NHSL1: variants seen among roughly 807,000 people sequenced by gnomAD.
NHSL1 encodes the protein NHS like 1, also known as NHS-like protein 1.
NHSL1 carries 48 observed loss-of-function variants against 95.0 expected under a neutral mutation model. The ratio of observed to expected loss-of-function variants is 0.51; its 90% CI spans 0.40 to 0.64. NHSL1 has a LOEUF of 0.64. Ranked by LOEUF, NHSL1 falls within the 30% of genes least tolerant of loss-of-function variation. The pLI is 0.00. For synonymous variants in NHSL1, 783 were observed against 833.9 expected, an observed-to-expected ratio of 0.94 and a Z score of 1.05; for missense variants, 1,971 against 2,077.7, an observed-to-expected ratio of 0.95 and a Z score of 1.00.
At chr6:138,438,623 A>T (rs1776336069) in intron 5 of NHSL1, among the ~76,000 whole-genome samples, 1 of 152,222 alleles carries the variant, frequency 6.6e-6, no homozygotes, top group South Asian at 2.1e-4. Flanking sequence ...ATTTTAAGAC[A>T]TAATGTACAG....
Position 138,432,050 on chromosome 6 carries a change from C to T in NHSL1, c.2295G>A (p.Ser765=), listed in dbSNP as rs80292692. ...NVYSLCGATP[S]QSDTSSVKSE... is the part of the protein sequence containing the mutation. ...ACTTGACGCTGCTTGTGTCACTCTG[C>T]GATGGCGTGGCCCCGCACAGGGAGT... is the stretch of plus-strand genomic sequence containing the variant. Residue 765 remains serine, a synonymous_variant, in exon 6 of 8, where the codon TCG becomes TCA. Transcript: ENST00000343505. This position sits in a 1 kb window ranked among gnomAD's most constrained non-coding sequence, Gnocchi z 4.4. 4.9e-3 allele frequency: 7,588 copies of T among 1,551,692 alleles called. 206 individuals carry two copies. In the African/African-American group the frequency reaches 0.069, roughly 14 times the overall value.
intron 3 of NHSL1, among the ~76,000 whole-genome samples, chr6:138,469,757 C>T (rs33998694): frequency 0.056 from 8,490 of 152,026 alleles, 658 homozygotes; most frequent in East Asian, 0.3. Context: ...AAAACAACAA[C>T]AACAACAAAA....
rs144068144 is a variant in NHSL1, at chr6:138,506,762, C to G, written c.17-10391G>C. ...TAAAGATTTATTCTTCAACAGTTGA[C>G]ATTATTAAAGGAATTTTCAAAAATC... On this transcript the variant is annotated intron_variant, in intron 1 of 4. Coordinates refer to the NHSL1 transcript ENST00000342260. Among the ~76,000 whole-genome samples, 39 of 152,086 alleles carry G rather than the reference C, an allele frequency of 2.6e-4. 1 individual carries two copies. In the East Asian group the frequency reaches 7.5e-3, roughly 29 times the overall value.
chr6:138,650,665 C>A (rs1022802421), intron 1 of NHSL1: 1 of 560,830 alleles, frequency 1.8e-6, no homozygotes. Context: ...ACAAACTGGA[C>A]CATCCAGCAC....
chr6:138,432,576 G>C lies in NHSL1; in HGVS notation c.1769C>G (p.Thr590Arg), dbSNP rs774540847. The change falls in exon 6 of 8, where the codon ACG becomes AGG. Residue 590 changes from threonine (T) to arginine (R), a missense_variant. Physicochemically the swap from Thr to Arg is moderately conservative, Grantham distance 71 (BLOSUM62 -1). Transcript: ENST00000343505. This position sits in a 1 kb window ranked among gnomAD's most constrained non-coding sequence, Gnocchi z 4.4. ...CGACCCAGCATCCTCTTTGTTGGAC[G>C]TTTGGTCCAAACTGCAGCTGCTCAT... ...SNMSSCSLDQ[T>R]SNKEDAGSLY... The C allele has an allele frequency of 1.9e-5, 30 of 1,551,594 alleles. No homozygotes were observed. The highest frequency in any genetic ancestry group is 1.7e-4 in the Middle Eastern group (1 of 6,014).
At chr6:138,559,643 G>C (rs1456115603) in intron 1 of NHSL1, among the ~76,000 whole-genome samples, 2 of 152,070 alleles carry the variant, frequency 1.3e-5, no homozygotes, top group Non-Finnish European at 2.9e-5. Flanking sequence ...ATCATAGCTT[G>C]TAACTTCTAC....
chr6:138,692,506 C>A lies in NHSL1; in HGVS notation c.67G>T (p.Ala23Ser). ...TTCACTCGGCGGTGGTCCAGGCGCG[C>A]AGCGGCGGCTTGCAGGGCGTCGAGG... Residue 23 changes from alanine (A) to serine (S), a missense_variant, in exon 1 of 4, where the codon GCG (alanine) becomes TCG (serine). Coordinates refer to the NHSL1 transcript ENST00000491526. This position sits in a 1 kb window ranked among gnomAD's most constrained non-coding sequence, Gnocchi z 4.0. The A allele has an allele frequency of 5.0e-6, 1 of 198,100 alleles. No individual in the cohort carries two copies. Among genetic ancestry groups the A allele is most frequent in the Non-Finnish European group, 1.0e-5 (1 of 99,562 alleles). The allele number at this position is 198,100 out of a possible 1,614,324, so 12.3% of individuals were successfully genotyped here.
At chr6:138,626,049 T>C (rs1207373688) in intron 1 of NHSL1, among the ~76,000 whole-genome samples, 3 of 152,248 alleles carry the variant, frequency 2.0e-5, no homozygotes, top group Non-Finnish European at 4.4e-5. Flanking sequence ...GTTCCTGCAC[T>C]GAGGCATTAC....
intron 2 of NHSL1, among the ~76,000 whole-genome samples, chr6:138,490,537 G>A (rs1036052153): frequency 3.9e-5 from 6 of 152,160 alleles, no homozygotes; most frequent in East Asian, 3.8e-4. Flanking sequence ...GACAACTAAG[G>A]GTGGATGCAG....
intron 1 of NHSL1, among the ~76,000 whole-genome samples, chr6:138,522,762 G>A (rs775169935): frequency 2.0e-4 from 31 of 152,100 alleles, no homozygotes; most frequent in Non-Finnish European, 3.2e-4. Flanking sequence ...AGTGAGCCGT[G>A]ATTGTGCCAC....
chr6:138,505,974 G>A (rs1461636162), intron 1 of NHSL1, among the ~76,000 whole-genome samples: 2 of 152,076 alleles, frequency 1.3e-5, no homozygotes, highest in Admixed American at 1.3e-4. Flanking sequence ...TTTATGCATG[G>A]TTAAAATACT....
intron 2 of NHSL1, among the ~76,000 whole-genome samples, chr6:138,480,432 C>G (rs1779348730): frequency 6.6e-6 from 1 of 152,154 alleles, no homozygotes; most frequent in African/African-American, 2.4e-5. Flanking sequence ...GTGTTGTGTT[C>G]AAGGGTCAAC....
rs754293873 is a variant in NHSL1 at position 138,432,830 on chromosome 6, A to G, written c.1515T>C (p.Ala505=). The G allele has an allele frequency of 1.3e-6, 2 of 1,551,576 alleles. No homozygotes were observed. Among genetic ancestry groups the G allele is most frequent in the South Asian group, 2.4e-5 (2 of 84,054 alleles). Residue 505 remains alanine, a synonymous_variant, in exon 6 of 8, where the codon GCT becomes GCC. Coordinates refer to ENST00000343505, the MANE Select transcript of NHSL1 (RefSeq NM_001144060.2). This position sits in a 1 kb window ranked among gnomAD's most constrained non-coding sequence, Gnocchi z 4.4. ...GGGACCCATTCTCCCTATTTGCTGG[A>G]GCATTTAGAGGGACGGCTGAGTCAC... ...SLCDSAVPLN[A]PANRENGSQA...
At position 138,514,816 on chromosome 6, in the gene NHSL1, G is replaced by A. The variant is rs150006589; in HGVS notation, c.17-18445C>T. Among the ~76,000 whole-genome samples the A allele has an allele frequency of 6.2e-3, 946 of 152,156 alleles. 23 individuals carry two copies. Among genetic ancestry groups the A allele is most frequent in the Admixed American group, 0.048 (732 of 15,282 alleles). On this transcript the variant is annotated intron_variant, in intron 1 of 4. Coordinates refer to the NHSL1 transcript ENST00000342260. ...CTCACACCTGTGGTTCCAGCTACTC[G>A]GGAGGCTGAAGTGGGAGGATAGCTT...
At chr6:138,648,232 C>G (rs1785045071) in intron 1 of NHSL1, among the ~76,000 whole-genome samples, 1 of 151,774 alleles carries the variant, frequency 6.6e-6, no homozygotes, top group South Asian at 2.1e-4. Flanking sequence ...AGTGTTTTCA[C>G]TTATCTACTG....
intron 3 of NHSL1, among the ~76,000 whole-genome samples, chr6:138,452,599 T>C (rs28385618): frequency 0.13 from 20,210 of 152,246 alleles, 1,362 homozygotes; most frequent in Middle Eastern, 0.17. Context: ...TTGATGTCTT[T>C]AAGAAGACAG....
intron 1 of NHSL1, among the ~76,000 whole-genome samples, chr6:138,687,955 CT>C (rs71549004): frequency 7.3e-4 from 108 of 148,532 alleles, no homozygotes; most frequent in Middle Eastern, 3.5e-3. Context: ...AAATTGTACA[CT>C]TTTTTTTTTT....
intron 1 of NHSL1, among the ~76,000 whole-genome samples, chr6:138,554,539 C>G (rs1386169814): frequency 1.3e-5 from 2 of 152,196 alleles, no homozygotes; most frequent in Non-Finnish European, 2.9e-5. Context: ...ACTATAATTA[C>G]TTTTAATCAT....
chr6:138,432,195 C>G lies in NHSL1; in HGVS notation c.2150G>C (p.Gly717Ala). The G allele has an allele frequency of 1.3e-6, 2 of 1,546,748 alleles. No individual in the cohort carries two copies. Among genetic ancestry groups the G allele is most frequent in the Non-Finnish European group, 1.7e-6 (2 of 1,144,182 alleles). ...SLQLSLPGKSGSSPSQSPCSD... is the reference protein window; with the variant it reads ...SLQLSLPGKSASSPSQSPCSD... ...GCAGGGGCTCTGGGAGGGCGAGCTG[C>G]CACTCTTGCCTGGGAGGCTCAGCTG... The change falls in exon 6 of 8, where the codon GGC (glycine) becomes GCC (alanine). Residue 717 changes from glycine (G) to alanine (A), a missense_variant. Gly to Ala is a moderately conservative substitution (Grantham distance 60, BLOSUM62 0). This residue lies in a region of NHSL1 where 1,602 missense variants were observed against 1,654.5 expected (regional missense o/e 0.97). Coordinates refer to ENST00000343505, the MANE Select transcript of NHSL1 (RefSeq NM_001144060.2). This position sits in a 1 kb window ranked among gnomAD's most constrained non-coding sequence, Gnocchi z 4.4.
Sources: allele counts gnomAD v4.1 joint callset (sites outside exome capture counted in the v4.1 genomes callset), GRCh38; gene constraint gnomAD v4.1.1; regional missense constraint gnomAD v4.1.1; non-coding constraint Gnocchi (gnomAD v3.1); transcripts MANE v1.5; gene names NCBI Gene and HGNC (gene_info 2026-07-23, HGNC 2026-07-21).